NF1: variants seen among roughly 807,000 people sequenced by gnomAD.
The protein encoded by NF1 is neurofibromin 1.
NF1 carries 122 observed loss-of-function variants against 325.7 expected under a neutral mutation model. That is an observed-to-expected ratio of 0.37 (90% CI 0.32 to 0.44). The LOEUF (loss-of-function observed/expected upper bound fraction) is 0.44, where lower values mean the gene tolerates loss of function less well. Ranked by LOEUF, NF1 falls within the 20% of genes least tolerant of loss-of-function variation. The pLI is 1.00. For synonymous variants in NF1, 1,091 were observed against 1,186.0 expected (o/e 0.92, Z 1.65); for missense variants, 2,140 against 3,415.4 (o/e 0.63, Z 9.31).
rs559179459 is a variant in NF1 at position 31,374,715 on chromosome 17, A to G, written c.*560A>G. ...GGTCAAGCCTCAGTGACTTGACACC[A>G]TAAAGCCACAGACAAGGTACTTGGG... On this transcript the variant is annotated 3_prime_UTR_variant, in exon 58 of 58. Transcript: ENST00000358273. The G allele has an allele frequency of 4.2e-6, 1 of 235,814 alleles. No individual in the cohort carries two copies. The highest frequency in any genetic ancestry group is 6.0e-5 in the East Asian group (1 of 16,568). The allele number at this position is 235,814 out of a possible 1,614,324, so 14.6% of individuals were successfully genotyped here.
In NF1 at chr17:31,233,214, G is replaced by A. The variant is rs1420779915; in HGVS notation, c.3708+1G>A. Reference sequence around the variant, plus strand: ...CAATGTGGTTCCTTGTTCTCAGTGGGTAAGTGATTAGAGTAAGCGGGGAAG... The same window carrying A: ...CAATGTGGTTCCTTGTTCTCAGTGGATAAGTGATTAGAGTAAGCGGGGAAG... On this transcript the variant is annotated splice_donor_variant, in intron 27 of 57. Transcript: ENST00000358273. LOFTEE classifies it high-confidence loss of function. 1 of 1,613,672 alleles carries A rather than the reference G, an allele frequency of 6.2e-7. No homozygotes were observed. The highest frequency in any genetic ancestry group is 1.7e-5 in the Admixed American group (1 of 60,024).
intron 7 of NF1, 71 bp downstream of exon 7, chr17:31,181,856 T>G: frequency 2.8e-6 from 3 of 1,090,880 alleles, no homozygotes; most frequent in Non-Finnish European, 4.2e-6. Flanking sequence ...AAACCTATCA[T>G]CGTTTTCCAA....
chr17:31,371,787 GATGCAGTGCACATGT>G (rs2070645886), intron 57 of NF1, among the ~76,000 whole-genome samples: 1 of 152,190 alleles, frequency 6.6e-6, no homozygotes, highest in Admixed American at 6.5e-5. Flanking sequence ...TCATATGCCT[GATGCAGTGCACATGT>G]TCATAAACAG....
chr17:31,289,621 AC>A (rs1280936921), intron 36 of NF1, among the ~76,000 whole-genome samples: 1 of 152,106 alleles, frequency 6.6e-6, no homozygotes, highest in Non-Finnish European at 1.5e-5. Context: ...TGCGTTTTCC[AC>A]ATTTCACACT....
At chr17:31,304,124 A>G in intron 36 of NF1, 1 of 843,264 alleles carries the variant, frequency 1.2e-6, no homozygotes, top group Non-Finnish European at 1.8e-6. Flanking sequence ...ATCTATGCAC[A>G]TAGGCTCTGA....
chr17:31,256,543 A>C (rs533026124), intron 31 of NF1, among the ~76,000 whole-genome samples: 1 of 152,324 alleles, frequency 6.6e-6, no homozygotes, highest in South Asian at 2.1e-4. Context: ...GTGTGTGTGA[A>C]TGCATACATT....
At chr17:31,157,061 A>T (rs1445479881) in intron 2 of NF1, among the ~76,000 whole-genome samples, 3 of 152,108 alleles carry the variant, frequency 2.0e-5, no homozygotes, top group African/African-American at 7.2e-5. Flanking sequence ...ATCTCGGCTT[A>T]CTGTAACCTC....
rs141608255 is a variant in NF1 at position 31,376,706 on chromosome 17, ATAT to A, written c.*2555_*2557del. The A allele has an allele frequency of 6.9e-3, 1,611 of 233,192 alleles. 26 individuals carry two copies. Among genetic ancestry groups the A allele is most frequent in the African/African-American group, 0.033 (1,484 of 45,476 alleles). 14.4% of individuals were successfully genotyped at this position (233,192 alleles called of 1,614,324 possible). A position where few individuals can be genotyped will look rare whatever the true frequency, so the allele number is the denominator to read the frequency against. On this transcript the variant is annotated 3_prime_UTR_variant, in exon 58 of 58. Coordinates refer to ENST00000358273, the MANE Select transcript of NF1 (RefSeq NM_001042492.3). ...GTAATTGACATAAGTTCTGTTAAAA[ATAT>A]TATAAGTAATTCGTTTCGGTTTGTA...
At chr17:31,267,873 T>C (rs1415028630) in intron 36 of NF1, among the ~76,000 whole-genome samples, 4 of 152,216 alleles carry the variant, frequency 2.6e-5, no homozygotes, top group East Asian at 3.8e-4. Flanking sequence ...TTTCCTCTTA[T>C]TGTCTTTCTC....
chr17:31,295,953 A>G (rs142312083), intron 36 of NF1: 18 of 1,614,020 alleles, frequency 1.1e-5, no homozygotes, highest in Admixed American at 3.3e-5. Flanking sequence ...ACATCCAGAT[A>G]TTTAAGATTC....
chr17:31,104,076 C>T (rs1382840608), intron 1 of NF1, among the ~76,000 whole-genome samples: 3 of 151,550 alleles, frequency 2.0e-5, no homozygotes, highest in Non-Finnish European at 2.9e-5. Context: ...ATTTGGGTAC[C>T]GGCCACTGCA....
chr17:31,360,107 C>A, intron 56 of NF1: 2 of 250,124 alleles, frequency 8.0e-6, no homozygotes, highest in South Asian at 4.9e-5. Context: ...TGCCAGTAAC[C>A]CTCTGAGCCC....
chr17:31,361,303 A>G (rs2070395007), intron 57 of NF1: 1 of 152,736 alleles, frequency 6.5e-6, no homozygotes, highest in South Asian at 2.1e-4. Flanking sequence ...AGATTTGAAT[A>G]CACTGAGAAA....
intron 36 of NF1, among the ~76,000 whole-genome samples, chr17:31,312,418 G>A (rs1468906801): frequency 6.6e-6 from 1 of 151,424 alleles, no homozygotes; most frequent in East Asian, 1.9e-4. Context: ...GGCTGAGGCA[G>A]AAGAATCTCT....
At chr17:31,366,061 AG>A (rs2070513910) in intron 57 of NF1, among the ~76,000 whole-genome samples, 1 of 151,292 alleles carries the variant, frequency 6.6e-6, no homozygotes, top group African/African-American at 2.4e-5. Flanking sequence ...CACCCTGCTG[AG>A]TAGCTGGCAC....
At chr17:31,245,936 C>T (rs929581634) in intron 29 of NF1, among the ~76,000 whole-genome samples, 2 of 152,076 alleles carry the variant, frequency 1.3e-5, no homozygotes, top group Non-Finnish European at 2.9e-5. Flanking sequence ...TGACTAGCCC[C>T]GTCTTGAAGC....
chr17:31,238,950 A>G (rs1352335635), intron 29 of NF1, among the ~76,000 whole-genome samples: 1 of 152,222 alleles, frequency 6.6e-6, no homozygotes, highest in African/African-American at 2.4e-5. Flanking sequence ...ACTTCTAGGC[A>G]GATTAACAGA....
intron 30 of NF1, chr17:31,251,197 G>T (rs1482593915): frequency 4.9e-6 from 1 of 203,216 alleles, no homozygotes; most frequent in Non-Finnish European, 1.0e-5. Context: ...GCTTTTTCTT[G>T]CCCCTTTGCC....
At chr17:31,346,058 A>C in intron 48 of NF1, 1 of 1,612,658 alleles carries the variant, frequency 6.2e-7, no homozygotes, top group South Asian at 1.1e-5. Flanking sequence ...TGGCAAAGCC[A>C]GTCATTGAAT....
Sources: allele counts gnomAD v4.1 joint callset (sites outside exome capture counted in the v4.1 genomes callset), GRCh38; gene constraint gnomAD v4.1.1; transcripts MANE v1.5; gene names NCBI Gene and HGNC (gene_info 2026-07-23, HGNC 2026-07-21).